Variants in USP32 observed in about 807,000 individuals in gnomAD.
The protein encoded by USP32 is ubiquitin specific peptidase 32, also known as ubiquitin carboxyl-terminal hydrolase 32.
Under a neutral mutation model 204.8 loss-of-function variants are expected in USP32, and 59 were observed. That is an observed-to-expected ratio of 0.29 (90% CI 0.23 to 0.36). The LOEUF is 0.36. Among genes scored for constraint, USP32 ranks in the 10% least tolerant of loss-of-function variants. USP32 has a pLI of 1.00. For missense variants in USP32, 1,160 were observed against 1,946.4 expected, an observed-to-expected ratio of 0.60 and a Z score of 7.60; for synonymous variants, 517 against 678.4, an observed-to-expected ratio of 0.76 and a Z score of 3.70.
intron 1 of USP32, chr17:60,421,819 G>T: frequency 1.0e-6 from 1 of 980,138 alleles, no homozygotes; most frequent in Non-Finnish European, 1.2e-6. Flanking sequence ...CGGGACTTTC[G>T]CCGACACCCG....
intron 10 of USP32, among the ~76,000 whole-genome samples, chr17:60,254,816 T>C (rs558047719): frequency 6.6e-6 from 1 of 152,324 alleles, no homozygotes; most frequent in East Asian, 1.9e-4. Flanking sequence ...TTTTATTTAT[T>C]TATTTTCTTT....
At chr17:60,283,636 C>G (rs969016439) in intron 5 of USP32, among the ~76,000 whole-genome samples, 3 of 149,020 alleles carry the variant, frequency 2.0e-5, no homozygotes, top group African/African-American at 4.9e-5. Context: ...ATACTATCAA[C>G]CAGGATATAA....
In USP32 at chr17:60,236,089, G is replaced by A. The variant is rs200146465; in HGVS notation, c.1239+49C>T. ...TTTTATTATTGGCTGGAAGTCTCAC[G>A]CAGCTGAAAATCCTGTGAAAAATGT... On this transcript the variant is annotated intron_variant, in intron 12 of 33. Transcript: ENST00000300896. The A allele has an allele frequency of 7.5e-5, 110 of 1,467,242 alleles. 1 individual carries two copies. Among genetic ancestry groups the A allele is most frequent in the Non-Finnish European group, 9.4e-5 (99 of 1,048,740 alleles). 90.9% of individuals were successfully genotyped at this position (1,467,242 alleles called of 1,614,324 possible).
chr17:60,225,959 A>G, intron 13 of USP32, 80 bp downstream of exon 13: 2 of 1,409,132 alleles, frequency 1.4e-6, no homozygotes, highest in Non-Finnish European at 1.9e-6. Flanking sequence ...TCTCAAAAAA[A>G]AAAAAAAAAA....
intron 1 of USP32, among the ~76,000 whole-genome samples, chr17:60,353,930 C>T (rs1209448469): frequency 6.6e-6 from 1 of 152,182 alleles, no homozygotes; most frequent in Non-Finnish European, 1.5e-5. Flanking sequence ...CGTGTCTACA[C>T]CAGTAGTTAT....
At chr17:60,376,873 T>C (rs189706466) in intron 1 of USP32, among the ~76,000 whole-genome samples, 60 of 152,212 alleles carry the variant, frequency 3.9e-4, no homozygotes, top group African/African-American at 1.1e-3. Context: ...CAGTTATCAG[T>C]TGGATAAAAG....
At chr17:60,385,502 G>A (rs1404150385) in intron 1 of USP32, among the ~76,000 whole-genome samples, 8 of 152,136 alleles carry the variant, frequency 5.3e-5, no homozygotes, top group Admixed American at 2.6e-4. Context: ...CCAAGATTGC[G>A]CCACTACACT....
rs1446567646 is a variant in USP32 at position 60,288,376 on chromosome 17, A to G, written c.571+147T>C. ...GACTGCTTGAGCCCAGGAAGTTGAG[A>G]CTGCCGTAAGCCACGATGGTGCCAC... On this transcript the variant is annotated intron_variant, in intron 5 of 33. Coordinates refer to ENST00000300896, the MANE Select transcript of USP32 (RefSeq NM_032582.4). The G allele has an allele frequency of 1.3e-5, 12 of 905,652 alleles. No individual in the cohort carries two copies. In the African/African-American group the frequency reaches 1.9e-4, roughly 14 times the overall value. 56.1% of individuals were successfully genotyped at this position (905,652 alleles called of 1,614,324 possible).
At chr17:60,303,476 A>C (rs1043946816) in intron 2 of USP32, among the ~76,000 whole-genome samples, 9 of 152,118 alleles carry the variant, frequency 5.9e-5, no homozygotes, top group Non-Finnish European at 1.5e-5. Context: ...GTAACATCAA[A>C]AGTTGAAGGT....
rs376085887 is a variant in USP32 at position 60,223,634 on chromosome 17, A to G, written c.1433-48T>C. ...AATCTCTTATTTTTAGTTATTATAC[A>G]TAAACAGGCTTGAGGATATGAACTC... On this transcript the variant is annotated intron_variant, in intron 13 of 33. Transcript: ENST00000300896. 30 of 1,524,990 alleles carry G rather than the reference A, an allele frequency of 2.0e-5. No individual in the cohort carries two copies. The South Asian group carries it at 3.4e-4, about 17-fold the overall frequency. 94.5% of individuals were successfully genotyped at this position (1,524,990 alleles called of 1,614,324 possible).
chr17:60,339,443 C>A (rs1002795469), intron 2 of USP32, among the ~76,000 whole-genome samples: 2 of 151,542 alleles, frequency 1.3e-5, no homozygotes, highest in Admixed American at 1.3e-4. Flanking sequence ...ATTAGCCAGG[C>A]GTGGTGGTGG....
chr17:60,211,549 G>C, intron 19 of USP32, 35 bp from the exon 20 acceptor site: 1 of 1,585,140 alleles, frequency 6.3e-7, no homozygotes, highest in Non-Finnish European at 8.6e-7. Flanking sequence ...AAGCTTAGCT[G>C]TAGTAATATG....
intron 4 of USP32, among the ~76,000 whole-genome samples, chr17:60,289,766 A>T (rs114223792): frequency 0.02 from 3,058 of 152,270 alleles, 67 homozygotes; most frequent in African/African-American, 0.062. Context: ...AACCTGAACT[A>T]TTTGATCAGG....
At chr17:60,201,186 T>A (rs563787811) in intron 26 of USP32, among the ~76,000 whole-genome samples, 1 of 152,282 alleles carries the variant, frequency 6.6e-6, no homozygotes, top group Admixed American at 6.5e-5. Flanking sequence ...CTTCTTTCCA[T>A]CAACATTAGG....
chr17:60,267,995 G>A (rs891972866), intron 7 of USP32, among the ~76,000 whole-genome samples: 9 of 151,590 alleles, frequency 5.9e-5, no homozygotes, highest in Non-Finnish European at 1.3e-4. Context: ...ATTTTTAGCC[G>A]AGACTATGTT....
intron 11 of USP32, among the ~76,000 whole-genome samples, chr17:60,237,156 AT>A (rs1567792294): frequency 2.0e-5 from 3 of 151,160 alleles, no homozygotes; most frequent in Non-Finnish European, 2.9e-5. Flanking sequence ...CTATCTATCT[AT>A]CTATCTACAG....
At chr17:60,413,876 G>GAAAAAAAAAAAAAAAAAAAAAAAAAAAAA (rs753405307) in intron 1 of USP32, among the ~76,000 whole-genome samples, 1 of 95,104 alleles carries the variant, frequency 1.1e-5, no homozygotes, top group Non-Finnish European at 2.1e-5. Flanking sequence ...AAAAAAAAAA[G>GAAAAAAAAAAAAAAAAAAAAAAAAAAAAA]AAAAAAAAAA....
At chr17:60,314,535 G>C (rs1407802871) in intron 2 of USP32, among the ~76,000 whole-genome samples, 2 of 151,572 alleles carry the variant, frequency 1.3e-5, no homozygotes, top group Non-Finnish European at 2.9e-5. Context: ...CTGAAGTACG[G>C]TGAAGAAAAA....
chr17:60,240,374 T>C (rs1369772676), intron 11 of USP32, among the ~76,000 whole-genome samples: 3 of 152,192 alleles, frequency 2.0e-5, no homozygotes, highest in South Asian at 4.1e-4. Context: ...TAAGTCTTCA[T>C]TTCACTTGTG....
Sources: gnomAD v4.1 joint callset for allele counts (sites outside exome capture counted in the v4.1 genomes callset) on GRCh38, gnomAD v4.1.1 for gene constraint, MANE v1.5 for transcripts, NCBI Gene and HGNC (gene_info 2026-07-23, HGNC 2026-07-21) for gene names.